The following PRKG1 variants were observed in gnomAD, a reference collection of about 807,000 sequenced individuals.
The protein encoded by PRKG1 is protein kinase cGMP-dependent 1, also known as cGMP-dependent protein kinase 1.
Under a neutral mutation model 88.1 loss-of-function variants are expected in PRKG1, and 35 were observed. The observed-to-expected ratio is 0.40, with a 90% confidence interval of 0.30 to 0.53. The LOEUF (loss-of-function observed/expected upper bound fraction) is 0.53, where lower values mean the gene tolerates loss of function less well. Among genes scored for constraint, PRKG1 ranks in the 20% least tolerant of loss-of-function variants. The pLI is 0.59. For synonymous variants in PRKG1, 303 were observed against 292.5 expected, an observed-to-expected ratio of 1.04 and a Z score of -0.37; for missense variants, 540 against 839.8, an observed-to-expected ratio of 0.64 and a Z score of 4.41.
At chr10:51,542,799 T>C (rs1464961912) in intron 3 of PRKG1, among the ~76,000 whole-genome samples, 1 of 152,190 alleles carries the variant, frequency 6.6e-6, no homozygotes, top group Admixed American at 6.5e-5. Context: ...GAAGACGGCC[T>C]TCTCTTTCTG....
At position 51,779,351 on chromosome 10, in the gene PRKG1, C is replaced by A. The variant is rs945558710; in HGVS notation, c.593-25234C>A. ...CCTTGTGGGTCCCCTGTCTACCAAGCAAATCAGCTCATGCTTATACGCCTC... is the reference window on the plus strand; with the variant it reads ...CCTTGTGGGTCCCCTGTCTACCAAGAAAATCAGCTCATGCTTATACGCCTC... On this transcript the variant is annotated intron_variant, in intron 3 of 17. Transcript: ENST00000373980. 7.9e-5 allele frequency among the ~76,000 whole-genome samples: 12 copies of A among 152,174 alleles called. No homozygotes were observed. The East Asian group carries it at 1.9e-3, about 25-fold the overall frequency.
rs576902020 is a variant in PRKG1, at chr10:51,986,094, G to A, written c.763-68390G>A. On this transcript the variant is annotated intron_variant, in intron 5 of 17. Coordinates refer to ENST00000373980, the MANE Select transcript of PRKG1 (RefSeq NM_006258.4). ...ACTCTCACTGTCCAGAACCACAAGA[G>A]AGTACTGTGCTTACATATTACTAAC... 1.6e-4 allele frequency among the ~76,000 whole-genome samples: 24 copies of A among 152,232 alleles called. No homozygotes were observed. The South Asian group carries it at 1.9e-3, about 12-fold the overall frequency.
intron 2 of PRKG1, among the ~76,000 whole-genome samples, chr10:51,179,070 C>T (rs182189464): frequency 2.0e-5 from 3 of 152,292 alleles, no homozygotes; most frequent in Admixed American, 2.0e-4. Context: ...GCTTTCACTA[C>T]AGCTTCATGA....
chr10:51,149,019 C>G (rs570759005), intron 1 of PRKG1, among the ~76,000 whole-genome samples: 1 of 152,222 alleles, frequency 6.6e-6, no homozygotes, highest in East Asian at 1.9e-4. Context: ...CCCATTCCTT[C>G]TTTCTCACTG....
intron 4 of PRKG1, among the ~76,000 whole-genome samples, chr10:51,840,393 T>C (rs557823219): frequency 6.6e-6 from 1 of 152,304 alleles, no homozygotes; most frequent in Admixed American, 6.5e-5. Context: ...GAATCCTTTT[T>C]ATTCTGATAC....
In PRKG1 at chr10:51,561,158, G is replaced by A. The variant is rs184817545; in HGVS notation, c.592+93322G>A. ...GCTGGGTGTGGTAGCTGGGTATGGTGGATACAGTCTATCTGGGACTATAGA... is the reference window on the plus strand; with the variant it reads ...GCTGGGTGTGGTAGCTGGGTATGGTAGATACAGTCTATCTGGGACTATAGA... On this transcript the variant is annotated intron_variant, in intron 3 of 17. Coordinates refer to ENST00000373980, the MANE Select transcript of PRKG1 (RefSeq NM_006258.4). 2.9e-4 allele frequency among the ~76,000 whole-genome samples: 44 copies of A among 151,960 alleles called. No homozygotes were observed. In the East Asian group the frequency reaches 8.2e-3, roughly 28 times the overall value.
chr10:51,990,083 T>G (rs1368830175), intron 5 of PRKG1, among the ~76,000 whole-genome samples: 1 of 152,174 alleles, frequency 6.6e-6, no homozygotes, highest in Admixed American at 6.6e-5. Context: ...TTGAAGAGAC[T>G]GCCCTTTCCT....
intron 3 of PRKG1, among the ~76,000 whole-genome samples, chr10:51,605,243 G>C (rs948217350): frequency 6.6e-6 from 1 of 152,060 alleles, no homozygotes; most frequent in Non-Finnish European, 1.5e-5. Context: ...GGCACAGGAT[G>C]GGGGGGCATG....
At chr10:51,970,763 A>T (rs1354951237) in intron 5 of PRKG1, among the ~76,000 whole-genome samples, 1 of 145,716 alleles carries the variant, frequency 6.9e-6, no homozygotes, top group Non-Finnish European at 1.5e-5. Flanking sequence ...GATATATCAG[A>T]TTATATATAT....
intron 9 of PRKG1, among the ~76,000 whole-genome samples, chr10:52,166,798 C>CATATATATATAT (rs1411580550): frequency 1.0e-5 from 1 of 96,772 alleles, no homozygotes; most frequent in African/African-American, 5.6e-5. Context: ...TATATATATA[C>CATATATATATAT]ATATATATAT....
At chr10:52,143,784 C>G (rs1035087307) in intron 8 of PRKG1, among the ~76,000 whole-genome samples, 1 of 152,166 alleles carries the variant, frequency 6.6e-6, no homozygotes, top group Non-Finnish European at 1.5e-5. Context: ...CAGTGCCAGT[C>G]AACCCGATCC....
At chr10:51,290,162 C>G (rs1191046470) in intron 2 of PRKG1, among the ~76,000 whole-genome samples, 1 of 152,072 alleles carries the variant, frequency 6.6e-6, no homozygotes, top group Non-Finnish European at 1.5e-5. Context: ...ATCATTTGAA[C>G]CCAGGAGTTC....
intron 1 of PRKG1, among the ~76,000 whole-genome samples, chr10:51,037,922 T>G (rs987120187): frequency 2.0e-5 from 3 of 152,238 alleles, no homozygotes; most frequent in Admixed American, 6.5e-5. Flanking sequence ...ATATTAACTT[T>G]ATTTTAATTA....
chr10:52,208,621 G>A (rs928028662), intron 9 of PRKG1, among the ~76,000 whole-genome samples: 1 of 152,140 alleles, frequency 6.6e-6, no homozygotes, highest in Non-Finnish European at 1.5e-5. Flanking sequence ...CGCCATTAAT[G>A]TTCTACTGGG....
chr10:51,601,078 TA>T (rs908570079), intron 3 of PRKG1, among the ~76,000 whole-genome samples: 2 of 152,104 alleles, frequency 1.3e-5, no homozygotes, highest in South Asian at 2.1e-4. Context: ...GATTTTCAGA[TA>T]TTTTTTGCTA....
At chr10:51,218,283 T>C (rs1449672368) in intron 2 of PRKG1, among the ~76,000 whole-genome samples, 1 of 151,746 alleles carries the variant, frequency 6.6e-6, no homozygotes, top group African/African-American at 2.4e-5. Flanking sequence ...GGCACAGATA[T>C]TTGTTTTGGT....
chr10:52,113,442 G>A (rs56907141), intron 7 of PRKG1, among the ~76,000 whole-genome samples: 19,180 of 151,848 alleles, frequency 0.13, 1,576 homozygotes, highest in East Asian at 0.31. Context: ...AGGGAAAGAG[G>A]GAGTGTAAGG....
intron 1 of PRKG1, among the ~76,000 whole-genome samples, chr10:51,044,008 C>T (rs1589120985): frequency 6.6e-6 from 1 of 152,018 alleles, no homozygotes; most frequent in East Asian, 1.9e-4. Flanking sequence ...TCATGATAAC[C>T]CTAAGAAGAA....
chr10:51,486,896 T>C (rs971250645), intron 3 of PRKG1, among the ~76,000 whole-genome samples: 4 of 152,170 alleles, frequency 2.6e-5, no homozygotes, highest in African/African-American at 4.8e-5. Context: ...TTATTTTTTC[T>C]GAAGGATATT....
Sources: allele counts gnomAD v4.1 joint callset (sites outside exome capture counted in the v4.1 genomes callset), GRCh38; gene constraint gnomAD v4.1.1; transcripts MANE v1.5; gene names NCBI Gene and HGNC (gene_info 2026-07-23, HGNC 2026-07-21).